PTPRS: variants seen among roughly 807,000 people sequenced by gnomAD.
PTPRS encodes the protein receptor-type tyrosine-protein phosphatase S.
In PTPRS, 63 loss-of-function variants were observed where a neutral mutation model predicts 215.3. That is an observed-to-expected ratio of 0.29 (90% CI 0.24 to 0.36). PTPRS has a LOEUF of 0.36. Ranked by LOEUF, PTPRS falls within the 10% of genes least tolerant of loss-of-function variation. PTPRS has a pLI of 1.00. For synonymous variants in PTPRS, 1,404 were observed against 1,191.4 expected (o/e 1.18, Z -3.68); for missense variants, 2,258 against 2,825.8 (o/e 0.80, Z 4.56).
chr19:5,222,150 G>C lies in PTPRS; in HGVS notation c.3174C>G (p.Asp1058Glu), dbSNP rs747212154. ...TGTAGGGTGTGGGTGAGTTGTAGTT[G>C]TCAGGGAACTCCCAGCTGAGCAGAA... ...TSVLLSWEFP[D>E]NYNSPTPYKI... The change falls in exon 19 of 38, where the codon GAC becomes GAG. Residue 1058 changes from aspartate (D) to glutamate (E), a missense_variant. By Grantham distance (45) the Asp-to-Glu change is conservative. Around this residue, in one of 6 missense-constraint regions of PTPRS, gnomAD observed 361 missense variants for 332.6 expected, o/e 1.09. Transcript: ENST00000262963. 13 of 1,613,840 alleles carry C rather than the reference G, an allele frequency of 8.1e-6. No homozygotes were observed. The highest frequency in any genetic ancestry group is 1.7e-5 in the Admixed American group (1 of 60,014).
chr19:5,221,775 C>T (rs1205974144), intron 19 of PTPRS, among the ~76,000 whole-genome samples: 1 of 151,986 alleles, frequency 6.6e-6, no homozygotes, highest in Non-Finnish European at 1.5e-5. Flanking sequence ...GATTATGCCT[C>T]AGTCCCAGCT....
At chr19:5,218,675 G>A in intron 24 of PTPRS, 112 bp downstream of exon 24, 1 of 1,504,260 alleles carries the variant, frequency 6.6e-7, no homozygotes, top group Admixed American at 1.7e-5. Context: ...ACAGCTACGT[G>A]TACAAGCTGT....
intron 2 of PTPRS, among the ~76,000 whole-genome samples, chr19:5,279,677 A>G (rs1445492229): frequency 2.0e-5 from 3 of 151,442 alleles, no homozygotes; most frequent in African/African-American, 7.3e-5. Flanking sequence ...AGCTGAAGTT[A>G]TCTATTTTTA....
intron 1 of PTPRS, among the ~76,000 whole-genome samples, chr19:5,324,955 T>G (rs1337381200): frequency 6.6e-6 from 1 of 152,222 alleles, no homozygotes; most frequent in Non-Finnish European, 1.5e-5. Flanking sequence ...AAGGTTCATG[T>G]TCTGCCACCG....
At position 5,257,626 on chromosome 19, in the gene PTPRS, C is replaced by G. The variant is rs2045666446; in HGVS notation, c.706+391G>C. On this transcript the variant is annotated intron_variant, in intron 8 of 37. Transcript: ENST00000262963. The surrounding 1 kb of genome is among the most constrained non-coding windows in gnomAD (Gnocchi z 4.4). ...GCACACAGCACGGGAAGGCACGACA[C>G]ACCACAGAAGCCAACTCGGGTGGGC... 6.6e-6 allele frequency among the ~76,000 whole-genome samples: 1 copy of G among 152,108 alleles called. No homozygotes were observed. The highest frequency in any genetic ancestry group is 2.1e-4 in the South Asian group (1 of 4,824).
At chr19:5,328,466 G>A (rs1427005607) in intron 1 of PTPRS, among the ~76,000 whole-genome samples, 1 of 151,882 alleles carries the variant, frequency 6.6e-6, no homozygotes, top group East Asian at 2.0e-4. Flanking sequence ...TCGAACTCCT[G>A]ACCTCAGGTG....
intron 1 of PTPRS, among the ~76,000 whole-genome samples, chr19:5,340,208 C>T (rs2050645636): frequency 6.6e-6 from 1 of 150,486 alleles, no homozygotes. Context: ...CACAGCGCCC[C>T]CTGCCTCCAG....
chr19:5,219,178 C>A, intron 23 of PTPRS, 132 bp downstream of exon 23: 1 of 1,261,538 alleles, frequency 7.9e-7, no homozygotes, highest in South Asian at 1.4e-5. Flanking sequence ...AGTGGCTTAA[C>A]CTCTCTGAAC....
Position 5,216,608 on chromosome 19 carries a change from G to A in PTPRS, c.4096+112C>T, listed in dbSNP as rs2041482282. 11 of 940,024 alleles carry A rather than the reference G, an allele frequency of 1.2e-5. 1 individual carries two copies. In the South Asian group the frequency reaches 1.7e-4, roughly 15 times the overall value. 58.2% of individuals were successfully genotyped at this position (940,024 alleles called of 1,614,324 possible). A position where few individuals can be genotyped will look rare whatever the true frequency, so the allele number is the denominator to read the frequency against. ...GCCAGCACAAGACAGGTGGGCAAAGGCCGGTGATGGGTGGGCGTGTGGACA... is the reference window on the plus strand; with the variant it reads ...GCCAGCACAAGACAGGTGGGCAAAGACCGGTGATGGGTGGGCGTGTGGACA... On this transcript the variant is annotated intron_variant, in intron 26 of 37. Coordinates refer to ENST00000262963, the MANE Select transcript of PTPRS (RefSeq NM_002850.4).
intron 11 of PTPRS, among the ~76,000 whole-genome samples, chr19:5,241,168 C>T (rs1018314314): frequency 4.6e-5 from 7 of 150,750 alleles, no homozygotes; most frequent in Admixed American, 1.3e-4. Context: ...GAATTACAGG[C>T]GCGAACCACC....
intron 1 of PTPRS, among the ~76,000 whole-genome samples, chr19:5,309,623 T>C (rs1353650082): frequency 6.6e-6 from 1 of 152,072 alleles, no homozygotes; most frequent in Non-Finnish European, 1.5e-5. Context: ...TGCCTGCCTC[T>C]CTCACCATCT....
chr19:5,273,418 C>T (rs761312246), intron 4 of PTPRS, 24 bp downstream of exon 4: 33 of 1,613,884 alleles, frequency 2.0e-5, no homozygotes, highest in African/African-American at 2.7e-5. Context: ...GTTTATCCTC[C>T]GCCCGCCCTG....
At chr19:5,208,833 C>T (rs1568358492) in intron 35 of PTPRS, among the ~76,000 whole-genome samples, 1 of 152,166 alleles carries the variant, frequency 6.6e-6, no homozygotes, top group Non-Finnish European at 1.5e-5. Flanking sequence ...CCATCCTTTG[C>T]CATCCCATAG....
Position 5,273,602 on chromosome 19 carries a change from A to G in PTPRS, c.238-19T>C. The G allele has an allele frequency of 6.2e-7, 1 of 1,613,958 alleles. No homozygotes were observed. The highest frequency in any genetic ancestry group is 8.5e-7 in the Non-Finnish European group (1 of 1,179,938). On this transcript the variant is annotated intron_variant, in intron 3 of 37. Transcript: ENST00000262963. ...CAATCGTCTGCCATGGGCAGGGGAA[A>G]AAAGAACAGAGTGAGGCTGGGGTCC...
At chr19:5,286,356 A>C in intron 1 of PTPRS, 122 bp from the exon 2 acceptor site, 1 of 573,278 alleles carries the variant, frequency 1.7e-6, no homozygotes, top group Non-Finnish European at 3.2e-6. Context: ...TCATGGGACA[A>C]TGGGGAAGGA....
chr19:5,327,708 C>T (rs1460970261), intron 1 of PTPRS, among the ~76,000 whole-genome samples: 1 of 152,132 alleles, frequency 6.6e-6, no homozygotes, highest in South Asian at 2.1e-4. Flanking sequence ...TCAAGCAATC[C>T]TCCCACCTCA....
rs1304861442 is a variant in PTPRS at position 5,338,946 on chromosome 19, G to A, written c.-95+1718C>T. Among the ~76,000 whole-genome samples the A allele has an allele frequency of 1.3e-5, 2 of 152,230 alleles. No homozygotes were observed. Among genetic ancestry groups the A allele is most frequent in the African/African-American group, 2.4e-5 (1 of 41,456 alleles). ...ATAGGGGGCCACCCAGAGGAGGCCA[G>A]AATCCCAGCAGCCAAAGTCCGGGTG... On this transcript the variant is annotated intron_variant, in intron 1 of 37. Transcript: ENST00000262963. The surrounding 1 kb of genome is among the most constrained non-coding windows in gnomAD (Gnocchi z 4.2).
At chr19:5,283,207 C>T (rs966439407) in intron 2 of PTPRS, among the ~76,000 whole-genome samples, 1 of 152,222 alleles carries the variant, frequency 6.6e-6, no homozygotes, top group Non-Finnish European at 1.5e-5. Flanking sequence ...TGGGAAGGCC[C>T]CACTGGACCT....
At chr19:5,269,334 C>A (rs113561234) in intron 4 of PTPRS, among the ~76,000 whole-genome samples, 1 of 152,026 alleles carries the variant, frequency 6.6e-6, no homozygotes, top group African/African-American at 2.4e-5. Flanking sequence ...TAAACAAAAA[C>A]GTACATCGCG....
Sources: allele counts gnomAD v4.1 joint callset (sites outside exome capture counted in the v4.1 genomes callset), GRCh38; gene constraint gnomAD v4.1.1; regional missense constraint gnomAD v4.1.1; non-coding constraint Gnocchi (gnomAD v3.1); transcripts MANE v1.5; gene names NCBI Gene and HGNC (gene_info 2026-07-23, HGNC 2026-07-21).